CFTR: variants seen among roughly 807,000 people sequenced by gnomAD.
The protein encoded by CFTR is CF transmembrane conductance regulator.
CFTR carries 181 observed loss-of-function variants against 171.6 expected under a neutral mutation model. That is an observed-to-expected ratio of 1.05 (90% CI 0.93 to 1.19). CFTR has a LOEUF of 1.19. Ranked by LOEUF, CFTR falls within the 50% of genes most tolerant of loss-of-function variation. The pLI, the probability that CFTR is intolerant of heterozygous loss-of-function variation, is 0.00. For synonymous variants in CFTR, 583 were observed against 608.0 expected, an observed-to-expected ratio of 0.96 and a Z score of 0.60; for missense variants, 1,968 against 1,734.7, an observed-to-expected ratio of 1.13 and a Z score of -2.39.
intron 22 of CFTR, among the ~76,000 whole-genome samples, chr7:117,633,502 T>A (rs1362816065): frequency 6.6e-6 from 1 of 152,166 alleles, no homozygotes; most frequent in Non-Finnish European, 1.5e-5. Context: ...TCTCCTTTTC[T>A]TATTTCATTA....
chr7:117,549,516 A>G (rs775531120), intron 10 of CFTR, among the ~76,000 whole-genome samples: 2 of 151,072 alleles, frequency 1.3e-5, no homozygotes, highest in Non-Finnish European at 3.0e-5. Context: ...TGTGTAGATA[A>G]TGGTAAAAAC....
rs397508158 is a variant in CFTR, at chr7:117,540,347, G to C, written c.1116+1G>C. 1 of 1,612,602 alleles carries C rather than the reference G, an allele frequency of 6.2e-7. No homozygotes were observed. Among genetic ancestry groups the C allele is most frequent in the African/African-American group, 1.3e-5 (1 of 74,878 alleles). ...TCTTGGAGCAATAAACAAAATACAGGTAATGTACCATAATGCTGCATTATA... is the reference window on the plus strand; with the variant it reads ...TCTTGGAGCAATAAACAAAATACAGCTAATGTACCATAATGCTGCATTATA... On this transcript the variant is annotated splice_donor_variant, in intron 8 of 26. Coordinates refer to ENST00000003084, the MANE Select transcript of CFTR (RefSeq NM_000492.4). LOFTEE classifies it high-confidence loss of function.
At chr7:117,551,770 G>A (rs1394581360) in intron 10 of CFTR, among the ~76,000 whole-genome samples, 1 of 152,178 alleles carries the variant, frequency 6.6e-6, no homozygotes, top group East Asian at 1.9e-4. Flanking sequence ...TTGACTGAAA[G>A]CTGGCTTATG....
chr7:117,638,170 G>C (rs1350652790), intron 22 of CFTR, among the ~76,000 whole-genome samples: 1 of 152,132 alleles, frequency 6.6e-6, no homozygotes, highest in Non-Finnish European at 1.5e-5. Flanking sequence ...CTAACTGCCT[G>C]TCTCCCATTT....
At chr7:117,515,231 T>C (rs535200413) in intron 3 of CFTR, among the ~76,000 whole-genome samples, 1 of 152,362 alleles carries the variant, frequency 6.6e-6, no homozygotes, top group African/African-American at 2.4e-5. Context: ...TGCCCGTGCC[T>C]ATGTCCTGAA....
chr7:117,588,812 G>C (rs1394867004), intron 12 of CFTR, among the ~76,000 whole-genome samples: 1 of 152,116 alleles, frequency 6.6e-6, no homozygotes, highest in East Asian at 1.9e-4. Context: ...GAAAATGGTA[G>C]AGTCACAGTT....
At chr7:117,560,747 A>G (rs1449346579) in intron 11 of CFTR, 2 of 152,072 alleles carry the variant, frequency 1.3e-5, no homozygotes, top group Non-Finnish European at 2.9e-5. Flanking sequence ...AAGAGGATAT[A>G]CTTCATTCCT....
chr7:117,650,857 T>G (rs1312856735), intron 23 of CFTR, among the ~76,000 whole-genome samples: 1 of 152,142 alleles, frequency 6.6e-6, no homozygotes, highest in Non-Finnish European at 1.5e-5. Flanking sequence ...ACCTTTAATC[T>G]TTCCTGAGCT....
intron 3 of CFTR, among the ~76,000 whole-genome samples, chr7:117,513,626 A>C (rs780426669): frequency 1.3e-5 from 2 of 152,188 alleles, no homozygotes; most frequent in Non-Finnish European, 2.9e-5. Flanking sequence ...TCCCTAAAGA[A>C]GGGATGGTGT....
intron 3 of CFTR, among the ~76,000 whole-genome samples, chr7:117,510,619 C>T (rs1227186680): frequency 6.6e-6 from 1 of 152,076 alleles, no homozygotes; most frequent in African/African-American, 2.4e-5. Context: ...TAGAAGGCCC[C>T]TTTCTATGCT....
At chr7:117,482,078 A>G (rs768664190) in intron 1 of CFTR, among the ~76,000 whole-genome samples, 2 of 152,198 alleles carry the variant, frequency 1.3e-5, no homozygotes, top group Non-Finnish European at 2.9e-5. Context: ...TTGTTAATAT[A>G]AGATGCTCAA....
chr7:117,629,966 T>C (rs2116135466), intron 22 of CFTR, among the ~76,000 whole-genome samples: 1 of 152,342 alleles, frequency 6.6e-6, no homozygotes, highest in Admixed American at 6.5e-5. Context: ...TAAACCCAGA[T>C]ACCATTGCTC....
At chr7:117,593,100 T>C (rs1792061395) in intron 14 of CFTR, among the ~76,000 whole-genome samples, 1 of 152,206 alleles carries the variant, frequency 6.6e-6, no homozygotes, top group Non-Finnish European at 1.5e-5. Context: ...TAGGACTAAC[T>C]CACATTCTGG....
rs397508212 is a variant in CFTR, at chr7:117,559,539, TTC to T, written c.1470_1471del (p.Phe490LeufsTer13). ...GKIKHSGRIS[F>X]CSQFSWIMPG... ...AATTAAGCACAGTGGAAGAATTTCA[TTC>T]TGTTCTCAGTTTTCCTGGATTATGC... On this transcript the variant is annotated frameshift_variant, in exon 11 of 27. Transcript: ENST00000003084. LOFTEE classifies it high-confidence loss of function. 1 of 1,612,020 alleles carries T rather than the reference TTC, an allele frequency of 6.2e-7. No homozygotes were observed. Among genetic ancestry groups the T allele is most frequent in the Non-Finnish European group, 8.5e-7 (1 of 1,178,266 alleles).
At chr7:117,617,658 C>T (rs1792514059) in intron 21 of CFTR, among the ~76,000 whole-genome samples, 1 of 151,964 alleles carries the variant, frequency 6.6e-6, no homozygotes, top group Non-Finnish European at 1.5e-5. Context: ...CAGCCTACTG[C>T]ACCTCTCCTC....
chr7:117,589,350 A>T (rs1038690851), intron 12 of CFTR, among the ~76,000 whole-genome samples: 7 of 152,090 alleles, frequency 4.6e-5, no homozygotes, highest in Non-Finnish European at 7.4e-5. Context: ...ATTGGTTTTT[A>T]AAAAAATTTT....
At chr7:117,567,277 C>A (rs1425856483) in intron 11 of CFTR, among the ~76,000 whole-genome samples, 1 of 152,040 alleles carries the variant, frequency 6.6e-6, no homozygotes, top group Non-Finnish European at 1.5e-5. Context: ...TTAATGGTAC[C>A]TTAGACATAG....
In CFTR at chr7:117,540,219, G is replaced by T; in HGVS notation, c.989G>T (p.Gly330Val). 1 of 1,614,070 alleles carries T rather than the reference G, an allele frequency of 6.2e-7. No individual in the cohort carries two copies. Among genetic ancestry groups the T allele is most frequent in the Non-Finnish European group, 8.5e-7 (1 of 1,180,016 alleles). The change falls in exon 8 of 27, where the codon GGA (glycine) becomes GTA (valine). Residue 330 changes from glycine (G) to valine (V), a missense_variant. By Grantham distance (109) the Gly-to-Val change is moderately radical. Transcript: ENST00000003084. Reference protein sequence around the residue: ...LSVLPYALIKGIILRKIFTTI... With the variant: ...LSVLPYALIKVIILRKIFTTI... ...GTGCTTCCCTATGCACTAATCAAAG[G>T]AATCATCCTCCGGAAAATATTCACC...
At chr7:117,627,394 G>T in intron 21 of CFTR, 128 bp from the exon 22 acceptor site, 1 of 960,244 alleles carries the variant, frequency 1.0e-6, no homozygotes, top group Non-Finnish European at 1.6e-6. Context: ...TCATTGAAAA[G>T]CCCGACAAAT....
Sources: allele counts gnomAD v4.1 joint callset (sites outside exome capture counted in the v4.1 genomes callset), GRCh38; gene constraint gnomAD v4.1.1; transcripts MANE v1.5; gene names NCBI Gene and HGNC (gene_info 2026-07-23, HGNC 2026-07-21).